The following PSMA3 variants were observed in gnomAD, a reference collection of about 807,000 sequenced individuals.
PSMA3 encodes the protein proteasome 20S subunit alpha 3, also known as proteasome subunit alpha type-3.
PSMA3 carries 8 observed loss-of-function variants against 40.0 expected under a neutral mutation model. The ratio of observed to expected loss-of-function variants is 0.20; its 90% CI spans 0.12 to 0.36. PSMA3 has a LOEUF of 0.36. Ranked by LOEUF, PSMA3 falls within the 10% of genes least tolerant of loss-of-function variation. The pLI is 1.00. For missense variants in PSMA3, 219 were observed against 310.6 expected (o/e 0.70, Z 2.22); for synonymous variants, 110 against 100.0 (o/e 1.10, Z -0.59).
chr14:58,259,822 C>T (rs943025896), intron 5 of PSMA3, among the ~76,000 whole-genome samples: 11 of 151,968 alleles, frequency 7.2e-5, no homozygotes, highest in Non-Finnish European at 1.3e-4. Context: ...AAAATACGTG[C>T]GCCAGAGAGA....
In PSMA3 at chr14:58,263,688, T is replaced by C. The variant is rs757565173; in HGVS notation, c.478-17T>C. The C allele has an allele frequency of 3.8e-6, 6 of 1,597,670 alleles. No homozygotes were observed. Among genetic ancestry groups the C allele is most frequent in the Non-Finnish European group, 4.3e-6 (5 of 1,165,866 alleles). On this transcript the variant is annotated splice_polypyrimidine_tract_variant and intron_variant, in intron 6 of 10. Transcript: ENST00000216455. Reference sequence around the variant, plus strand: ...AGTGTACTAATTCAGTGATTATATATATTTTTTTCTAAATAGGGTTATTGG... The same window carrying C: ...AGTGTACTAATTCAGTGATTATATACATTTTTTTCTAAATAGGGTTATTGG...
chr14:58,252,442 G>A (rs978583509), intron 3 of PSMA3, among the ~76,000 whole-genome samples, 200 bp downstream of exon 3: 3 of 152,148 alleles, frequency 2.0e-5, no homozygotes, highest in Non-Finnish European at 4.4e-5. Flanking sequence ...AGAAGAGCAG[G>A]TGAGGGAGAG....
chr14:58,263,850 A>C, intron 7 of PSMA3, 80 bp downstream of exon 7: 1 of 1,302,070 alleles, frequency 7.7e-7, no homozygotes, highest in Non-Finnish European at 1.1e-6. Flanking sequence ...TTTCAGTCTA[A>C]GGCAGGGATG....
At chr14:58,270,586 T>G in intron 9 of PSMA3, 101 bp downstream of exon 9, 2 of 1,556,124 alleles carry the variant, frequency 1.3e-6, no homozygotes, top group Non-Finnish European at 8.7e-7. Context: ...TAAAGCAAAT[T>G]TACTAGGTTG....
intron 8 of PSMA3, among the ~76,000 whole-genome samples, chr14:58,269,175 A>C (rs1326798360): frequency 6.6e-6 from 1 of 151,914 alleles, no homozygotes; most frequent in Non-Finnish European, 1.5e-5. Flanking sequence ...CTTGTGATCC[A>C]CCCACCTTGG....
At chr14:58,268,251 A>G (rs1049324497) in intron 8 of PSMA3, 2 of 152,220 alleles carry the variant, frequency 1.3e-5, no homozygotes, top group African/African-American at 2.4e-5. Context: ...TAGATTCAAA[A>G]GTTATGGATA....
intron 6 of PSMA3, 77 bp from the exon 7 acceptor site, chr14:58,263,628 T>C (rs1421546460): frequency 8.5e-7 from 1 of 1,181,958 alleles, no homozygotes; most frequent in African/African-American, 1.6e-5. Flanking sequence ...TTCACTAGGT[T>C]ATAGAAACAT....
chr14:58,264,584 A>C (rs556057750), intron 7 of PSMA3: 1 of 152,246 alleles, frequency 6.6e-6, no homozygotes, highest in African/African-American at 2.4e-5. Context: ...TTTCACATAC[A>C]TTTAATGTTA....
At position 58,271,946 on chromosome 14, in the gene PSMA3, A is replaced by C. The variant is rs747930144; in HGVS notation, c.*51A>C. On this transcript the variant is annotated 3_prime_UTR_variant, in exon 11 of 11. Coordinates refer to ENST00000216455, the MANE Select transcript of PSMA3 (RefSeq NM_002788.4). ...TTAAATTTCTACTCCAGTCCAATGTAACTATTTAGCCCTGGATTATACATA... is the reference window on the plus strand; with the variant it reads ...TTAAATTTCTACTCCAGTCCAATGTCACTATTTAGCCCTGGATTATACATA... 1.5e-6 allele frequency: 2 copies of C among 1,343,380 alleles called. No homozygotes were observed. The highest frequency in any genetic ancestry group is 2.1e-6 in the Non-Finnish European group (2 of 939,498). The allele number at this position is 1,343,380 out of a possible 1,614,324, so 83.2% of individuals were successfully genotyped here.
chr14:58,257,918 T>A lies in PSMA3; in HGVS notation c.331-7T>A, dbSNP rs759077816. On this transcript the variant is annotated splice_polypyrimidine_tract_variant and splice_region_variant and intron_variant, in intron 4 of 10. Transcript: ENST00000216455. Reference sequence around the variant, plus strand: ...TTATTAATAAGCTCTTCTGCTTCCCTCCATAGCATCTTGCAGACAGAGTGG... The same window carrying A: ...TTATTAATAAGCTCTTCTGCTTCCCACCATAGCATCTTGCAGACAGAGTGG... 1 of 1,613,618 alleles carries A rather than the reference T, an allele frequency of 6.2e-7. No homozygotes were observed. Among genetic ancestry groups the A allele is most frequent in the African/African-American group, 1.3e-5 (1 of 75,028 alleles).
intron 5 of PSMA3, chr14:58,258,373 G>C (rs1458880307): frequency 6.3e-6 from 1 of 158,866 alleles, no homozygotes; most frequent in South Asian, 1.7e-4. Flanking sequence ...AGGAGTTGAA[G>C]GCTGGAATGA....
chr14:58,250,706 T>C (rs938994843), intron 2 of PSMA3, among the ~76,000 whole-genome samples: 1 of 152,208 alleles, frequency 6.6e-6, no homozygotes, highest in Middle Eastern at 3.2e-3. Context: ...TTAAGAGGCC[T>C]GTGAATAACA....
At chr14:58,249,766 A>G (rs1331527698) in intron 2 of PSMA3, among the ~76,000 whole-genome samples, 1 of 152,178 alleles carries the variant, frequency 6.6e-6, no homozygotes, top group African/African-American at 2.4e-5. Context: ...TAGGCTTCCC[A>G]AAGTGCTGGT....
intron 8 of PSMA3, among the ~76,000 whole-genome samples, chr14:58,269,235 T>C (rs1450209918): frequency 6.6e-6 from 1 of 152,038 alleles, no homozygotes; most frequent in Non-Finnish European, 1.5e-5. Flanking sequence ...CCTGGCCTCT[T>C]GATACTTTTT....
intron 3 of PSMA3, among the ~76,000 whole-genome samples, chr14:58,253,841 G>A (rs564164753): frequency 2.0e-5 from 3 of 152,144 alleles, no homozygotes; most frequent in South Asian, 2.1e-4. Context: ...TGATCTACCC[G>A]CCTTGGCCTC....
chr14:58,246,190 T>G (rs954294513), intron 1 of PSMA3, among the ~76,000 whole-genome samples: 1 of 152,206 alleles, frequency 6.6e-6, no homozygotes, highest in Non-Finnish European at 1.5e-5. Flanking sequence ...AATATTTGTT[T>G]GTCTGCTTGA....
intron 7 of PSMA3, among the ~76,000 whole-genome samples, chr14:58,264,230 T>C (rs1343444679): frequency 6.6e-6 from 1 of 152,222 alleles, no homozygotes; most frequent in Non-Finnish European, 1.5e-5. Flanking sequence ...TTTGAAAATT[T>C]TGTTTAAAAT....
chr14:58,250,237 T>G (rs1424862930), intron 2 of PSMA3, among the ~76,000 whole-genome samples: 4 of 71,402 alleles, frequency 5.6e-5, no homozygotes, highest in Non-Finnish European at 9.0e-5. Context: ...AAAAAAAAAA[T>G]AGGGACAGAG....
At chr14:58,255,970 T>G (rs1488146129) in intron 3 of PSMA3, among the ~76,000 whole-genome samples, 1 of 151,952 alleles carries the variant, frequency 6.6e-6, no homozygotes, top group African/African-American at 2.4e-5. Context: ...GTGATTCTTG[T>G]GGCTCAGCCT....
Sources: gnomAD v4.1 joint callset for allele counts (sites outside exome capture counted in the v4.1 genomes callset) on GRCh38, gnomAD v4.1.1 for gene constraint, MANE v1.5 for transcripts, NCBI Gene and HGNC (gene_info 2026-07-23, HGNC 2026-07-21) for gene names.